Variants in SMG7 observed in about 807,000 individuals in gnomAD.
The protein encoded by SMG7 is nonsense-mediated mRNA decay factor SMG7.
Under a neutral mutation model 148.2 loss-of-function variants are expected in SMG7, and 34 were observed. The observed-to-expected ratio is 0.23, with a 90% CI of 0.17 to 0.31. The LOEUF is 0.31. Among genes scored for constraint, SMG7 ranks in the 10% least tolerant of loss-of-function variants. SMG7 has a pLI of 1.00. For missense variants in SMG7, 1,114 were observed against 1,408.4 expected, an observed-to-expected ratio of 0.79 and a Z score of 3.35; for synonymous variants, 492 against 515.1, an observed-to-expected ratio of 0.96 and a Z score of 0.61.
intron 3 of SMG7, 48 bp downstream of exon 3, chr1:183,516,039 C>A: frequency 8.7e-7 from 1 of 1,146,804 alleles, no homozygotes; most frequent in Non-Finnish European, 1.3e-6. Context: ...TCAAGAATTT[C>A]ACCGAGACTT....
At chr1:183,493,213 G>A (rs773004096) in intron 1 of SMG7, among the ~76,000 whole-genome samples, 26 of 152,090 alleles carry the variant, frequency 1.7e-4, no homozygotes, top group Non-Finnish European at 3.4e-4. Flanking sequence ...GGCCTCAAGC[G>A]ATCCCCTGGC....
At chr1:183,507,713 C>T (rs780446521) in intron 1 of SMG7, among the ~76,000 whole-genome samples, 15 of 152,110 alleles carry the variant, frequency 9.9e-5, no homozygotes, top group Non-Finnish European at 1.8e-4. Flanking sequence ...ACTACCTCTT[C>T]TGTAGTACCT....
chr1:183,493,570 C>T (rs1470136714), intron 1 of SMG7, among the ~76,000 whole-genome samples: 1 of 152,028 alleles, frequency 6.6e-6, no homozygotes, highest in African/African-American at 2.4e-5. Flanking sequence ...GGTCTAACCT[C>T]ACTGGTTTGT....
chr1:183,497,532 T>A (rs1658780390), intron 1 of SMG7, among the ~76,000 whole-genome samples: 1 of 152,162 alleles, frequency 6.6e-6, no homozygotes. Flanking sequence ...TTTTATATAA[T>A]CTGCATCTGG....
At chr1:183,513,031 A>T in intron 2 of SMG7, 163 bp downstream of exon 2, 2 of 600,064 alleles carry the variant, frequency 3.3e-6, no homozygotes, top group African/African-American at 3.8e-5. Context: ...ATGTAGTTTG[A>T]ATTCTTGCTT....
chr1:183,541,979 T>TA, intron 13 of SMG7, 97 bp from the exon 14 acceptor site: 1 of 985,636 alleles, frequency 1.0e-6, no homozygotes, highest in Non-Finnish European at 1.5e-6. Context: ...TCATGGTTAT[T>TA]AGTGCTAGGA....
chr1:183,551,105 A>C lies in SMG7; in HGVS notation c.3365A>C (p.His1122Pro), dbSNP rs751458911. 1.9e-6 allele frequency: 3 copies of C among 1,612,928 alleles called. No homozygotes were observed. Among genetic ancestry groups the C allele is most frequent in the African/African-American group, 2.7e-5 (2 of 74,800 alleles). ...SATSSSESSW[H>P]QASTPSGTWT... ...ACGTCATCCTCTGAGAGCAGTTGGCATCAGGCCAGCACTCCGAGTGGCACC... is the reference window on the plus strand; with the variant it reads ...ACGTCATCCTCTGAGAGCAGTTGGCCTCAGGCCAGCACTCCGAGTGGCACC... The change falls in exon 22 of 23, where the codon CAT becomes CCT. Residue 1122 changes from histidine (H) to proline (P), a missense_variant. Physicochemically the swap from His to Pro is moderately conservative, Grantham distance 77. Transcript: ENST00000688051.
At position 183,533,688 on chromosome 1, in the gene SMG7, G is replaced by A; in HGVS notation, c.1019G>A (p.Gly340Asp). 1.3e-6 allele frequency: 2 copies of A among 1,596,264 alleles called. No homozygotes were observed. The highest frequency in any genetic ancestry group is 1.8e-5 in the Admixed American group (1 of 56,276). The change falls in exon 10 of 23, where the codon GGC (glycine) becomes GAC (aspartate). Residue 340 changes from glycine to aspartate, a missense_variant. Around this residue, in one of 4 missense-constraint regions of SMG7, gnomAD observed 102 missense variants for 147.2 expected, o/e 0.69. Transcript: ENST00000688051. ...TTTTTTTTTCAAGTGTCTTTTCTTG[G>A]CATCCTGTGCAAGTGTCCTCTACAG... Reference protein sequence around the residue: ...QLLALFMSFLGILCKCPLQNE... With the variant: ...QLLALFMSFLDILCKCPLQNE...
intron 1 of SMG7, among the ~76,000 whole-genome samples, chr1:183,509,855 CAG>C (rs112548427): frequency 1.2e-4 from 19 of 152,084 alleles, no homozygotes; most frequent in Non-Finnish European, 2.6e-4. Context: ...GTAAAAATAA[CAG>C]AGTAAAATTT....
Position 183,553,185 on chromosome 1 carries a change from G to C in SMG7, c.*1254G>C. The C allele has an allele frequency of 6.5e-7, 1 of 1,535,706 alleles. No individual in the cohort carries two copies. ...CGACGTCGTCCATTTTGGAAGAGACGAAAGAAAGGAAAATAAACTCTTTGT... is the reference window on the plus strand; with the variant it reads ...CGACGTCGTCCATTTTGGAAGAGACCAAAGAAAGGAAAATAAACTCTTTGT... On this transcript the variant is annotated 3_prime_UTR_variant, in exon 23 of 23. Transcript: ENST00000688051.
At chr1:183,488,063 A>G (rs2702205) in intron 1 of SMG7, among the ~76,000 whole-genome samples, 53,352 of 152,150 alleles carry the variant, frequency 0.35, 9,533 homozygotes, top group East Asian at 0.52. Flanking sequence ...GTAGCCTAAC[A>G]TAAATCAGTA....
Position 183,552,483 on chromosome 1 carries a change from G to A in SMG7, c.*552G>A, listed in dbSNP as rs1249689632. The A allele has an allele frequency of 2.2e-5, 22 of 995,108 alleles. 1 individual carries two copies. The highest frequency in any genetic ancestry group is 2.5e-5 in the Non-Finnish European group (21 of 835,400). 61.6% of individuals were successfully genotyped at this position (995,108 alleles called of 1,614,324 possible). On this transcript the variant is annotated 3_prime_UTR_variant, in exon 23 of 23. Coordinates refer to ENST00000688051, the MANE Select transcript of SMG7 (RefSeq NM_001375584.1). ...GTCAGTGTGTAGCAAGGAAAGCCCCGTTCACTGCTCCTGTGAGAGGTTGGT... is the reference window on the plus strand; with the variant it reads ...GTCAGTGTGTAGCAAGGAAAGCCCCATTCACTGCTCCTGTGAGAGGTTGGT...
chr1:183,535,576 T>C (rs1400855750), intron 10 of SMG7, among the ~76,000 whole-genome samples: 1 of 152,182 alleles, frequency 6.6e-6, no homozygotes, highest in Non-Finnish European at 1.5e-5. Flanking sequence ...GGAAAAACAA[T>C]GACTGTTTCT....
At chr1:183,543,639 T>C (rs1242370759) in intron 14 of SMG7, among the ~76,000 whole-genome samples, 1 of 152,204 alleles carries the variant, frequency 6.6e-6, no homozygotes, top group Non-Finnish European at 1.5e-5. Flanking sequence ...CTCATCCATC[T>C]CAAATCACCT....
chr1:183,521,033 A>G (rs1431950482), intron 4 of SMG7, among the ~76,000 whole-genome samples: 2 of 151,282 alleles, frequency 1.3e-5, no homozygotes, highest in Non-Finnish European at 2.9e-5. Flanking sequence ...TTTTCACATT[A>G]TGATATCAGT....
At chr1:183,541,128 C>T in intron 13 of SMG7, 25 bp downstream of exon 13, 2 of 1,606,700 alleles carry the variant, frequency 1.2e-6, no homozygotes, top group South Asian at 2.2e-5. Flanking sequence ...TCTGGTCTAC[C>T]CCTTTTTAAC....
chr1:183,484,287 A>T (rs1654890717), intron 1 of SMG7, among the ~76,000 whole-genome samples: 1 of 152,084 alleles, frequency 6.6e-6, no homozygotes, highest in Non-Finnish European at 1.5e-5. Context: ...TATGTAATAC[A>T]ATGTAAAAGT....
intron 2 of SMG7, among the ~76,000 whole-genome samples, chr1:183,513,731 T>C (rs907423356): frequency 1.3e-5 from 2 of 151,894 alleles, no homozygotes; most frequent in East Asian, 1.9e-4. Flanking sequence ...GGCTTAGCCA[T>C]TGAAAGGAGT....
intron 4 of SMG7, among the ~76,000 whole-genome samples, chr1:183,524,178 C>T (rs1558020320): frequency 6.6e-6 from 1 of 152,000 alleles, no homozygotes; most frequent in Non-Finnish European, 1.5e-5. Flanking sequence ...AACTCTGGGG[C>T]TTAAGTGAGC....
Sources: allele counts gnomAD v4.1 joint callset (sites outside exome capture counted in the v4.1 genomes callset), GRCh38; gene constraint gnomAD v4.1.1; regional missense constraint gnomAD v4.1.1; transcripts MANE v1.5; gene names NCBI Gene and HGNC (gene_info 2026-07-23, HGNC 2026-07-21).